ARMH3: variants seen among roughly 807,000 people sequenced by gnomAD.
ARMH3 encodes the protein armadillo-like helical domain-containing protein 3.
Under a neutral mutation model 99.1 loss-of-function variants are expected in ARMH3, and 60 were observed. The ratio of observed to expected loss-of-function variants is 0.61; its 90% CI spans 0.49 to 0.75. The LOEUF (loss-of-function observed/expected upper bound fraction) is 0.75. Among genes scored for constraint, ARMH3 ranks in the 30% least tolerant of loss-of-function variants. The pLI, the probability that ARMH3 is intolerant of heterozygous loss-of-function variation, is 0.00. For synonymous variants in ARMH3, 285 were observed against 292.8 expected, an observed-to-expected ratio of 0.97 and a Z score of 0.27; for missense variants, 679 against 843.1, an observed-to-expected ratio of 0.81 and a Z score of 2.41.
At chr10:102,055,062 C>T (rs2067806175) in intron 1 of ARMH3, among the ~76,000 whole-genome samples, 2 of 151,564 alleles carry the variant, frequency 1.3e-5, no homozygotes, top group African/African-American at 4.8e-5. Context: ...TGGCTCACGC[C>T]TTTAATCACA....
chr10:101,968,565 T>G (rs1397113413), intron 20 of ARMH3, among the ~76,000 whole-genome samples: 2 of 152,218 alleles, frequency 1.3e-5, no homozygotes, highest in Non-Finnish European at 2.9e-5. Context: ...CTCATGGGCC[T>G]ATGAGAGTTG....
intron 4 of ARMH3, among the ~76,000 whole-genome samples, chr10:102,030,731 A>T (rs562393561): frequency 1.7e-3 from 253 of 152,012 alleles, no homozygotes; most frequent in Non-Finnish European, 2.7e-3. Flanking sequence ...TAATAATAAT[A>T]ATTTTGGCAT....
intron 23 of ARMH3, among the ~76,000 whole-genome samples, chr10:101,906,841 T>C (rs565660272): frequency 6.6e-6 from 1 of 152,290 alleles, no homozygotes; most frequent in East Asian, 1.9e-4. Flanking sequence ...CCTAGGCAGC[T>C]GTGAAGAATC....
intron 23 of ARMH3, among the ~76,000 whole-genome samples, chr10:101,919,511 C>G (rs1843221114): frequency 6.6e-6 from 1 of 152,174 alleles, no homozygotes; most frequent in African/African-American, 2.4e-5. Context: ...GACTTTATTT[C>G]TCTCTGTGCT....
intron 19 of ARMH3, among the ~76,000 whole-genome samples, chr10:101,989,764 C>T (rs1846686513): frequency 1.3e-5 from 2 of 152,156 alleles, no homozygotes; most frequent in Admixed American, 6.5e-5. Context: ...GATGGTCAAA[C>T]AGTTCTCCTC....
intron 13 of ARMH3, among the ~76,000 whole-genome samples, chr10:102,007,169 A>G (rs532429230): frequency 6.7e-6 from 1 of 149,556 alleles, no homozygotes; most frequent in African/African-American, 2.4e-5. Flanking sequence ...CAAAAAAAAA[A>G]AAAAAAAAAG....
intron 23 of ARMH3, among the ~76,000 whole-genome samples, chr10:101,931,370 A>C (rs1843714794): frequency 6.6e-6 from 1 of 152,152 alleles, no homozygotes; most frequent in Admixed American, 6.5e-5. Flanking sequence ...TAAAAATACA[A>C]AAAAATTAGG....
At chr10:101,901,042 T>C (rs150639754) in intron 23 of ARMH3, among the ~76,000 whole-genome samples, 10 of 151,532 alleles carry the variant, frequency 6.6e-5, no homozygotes, top group Non-Finnish European at 1.5e-5. Flanking sequence ...AGGAGGGAAA[T>C]ATTCTGTGGA....
chr10:101,945,208 A>C (rs1844461540), intron 22 of ARMH3, among the ~76,000 whole-genome samples: 1 of 152,170 alleles, frequency 6.6e-6, no homozygotes, highest in African/African-American at 2.4e-5. Flanking sequence ...CTTTGCCCCA[A>C]GGGTCAGCCA....
chr10:101,918,144 C>T (rs574163358), intron 23 of ARMH3, among the ~76,000 whole-genome samples: 2 of 152,242 alleles, frequency 1.3e-5, no homozygotes, highest in South Asian at 4.2e-4. Flanking sequence ...ACCTGCACCT[C>T]CCGGCTTCAG....
chr10:101,972,328 C>G (rs139831469), intron 20 of ARMH3, among the ~76,000 whole-genome samples: 99 of 152,322 alleles, frequency 6.5e-4, no homozygotes, highest in African/African-American at 2.3e-3. Context: ...CATCTGGACC[C>G]TAGAGGATTG....
chr10:101,957,991 C>T (rs1845116116), intron 20 of ARMH3, among the ~76,000 whole-genome samples: 3 of 152,180 alleles, frequency 2.0e-5, no homozygotes, highest in Admixed American at 2.0e-4. Context: ...CAATTAAGCT[C>T]AGAAATCTGA....
chr10:102,051,157 CAAAAAAAA>C (rs774209681), intron 1 of ARMH3, among the ~76,000 whole-genome samples: 17 of 57,054 alleles, frequency 3.0e-4, no homozygotes, highest in African/African-American at 1.2e-3. Context: ...GACTCTGTCT[CAAAAAAAA>C]AAAAAAAAAG....
At chr10:101,914,737 G>C (rs1021106305) in intron 23 of ARMH3, among the ~76,000 whole-genome samples, 1 of 151,302 alleles carries the variant, frequency 6.6e-6, no homozygotes, top group East Asian at 1.9e-4. Flanking sequence ...ATGGTGGCAG[G>C]CTCCTGTAAT....
intron 24 of ARMH3, among the ~76,000 whole-genome samples, chr10:101,887,592 CTTTTTTTTT>C (rs34624064): frequency 3.1e-5 from 3 of 96,880 alleles, no homozygotes; most frequent in South Asian, 3.8e-4. Flanking sequence ...CTCTCTCTCT[CTTTTTTTTT>C]TTTTTTTTTT....
chr10:101,995,418 C>G, intron 15 of ARMH3, 63 bp from the exon 16 acceptor site: 1 of 1,356,974 alleles, frequency 7.4e-7, no homozygotes, highest in Non-Finnish European at 1.0e-6. Context: ...TGTTTCAATA[C>G]AGAACAAGGA....
intron 24 of ARMH3, among the ~76,000 whole-genome samples, chr10:101,881,155 G>A (rs1045637611): frequency 6.6e-6 from 1 of 152,054 alleles, no homozygotes; most frequent in African/African-American, 2.4e-5. Flanking sequence ...CATTATACAG[G>A]TCTCCTCTGA....
At position 101,956,953 on chromosome 10, in the gene ARMH3, C is replaced by T. The variant is rs544979434; in HGVS notation, c.1579-230G>A. On this transcript the variant is annotated intron_variant, in intron 21 of 25. Coordinates refer to ENST00000370033, the MANE Select transcript of ARMH3 (RefSeq NM_024541.3). ...AGTAATAAATATTAAAAACTTATCA[C>T]TTCCTAATTATTTTCTACCTTTTAC... is the stretch of plus-strand genomic sequence containing the variant. 4.6e-5 allele frequency among the ~76,000 whole-genome samples: 7 copies of T among 152,120 alleles called. No individual in the cohort carries two copies. The South Asian group carries it at 1.3e-3, about 27-fold the overall frequency.
At chr10:101,990,344 C>T (rs935189534) in intron 19 of ARMH3, among the ~76,000 whole-genome samples, 7 of 152,046 alleles carry the variant, frequency 4.6e-5, no homozygotes, top group African/African-American at 1.7e-4. Flanking sequence ...CCACTGCGCC[C>T]AGATAATTTT....
Sources: gnomAD v4.1 joint callset for allele counts (sites outside exome capture counted in the v4.1 genomes callset) on GRCh38, gnomAD v4.1.1 for gene constraint, MANE v1.5 for transcripts, NCBI Gene and HGNC (gene_info 2026-07-23, HGNC 2026-07-21) for gene names.